Variants in FBXO38 observed in about 807,000 individuals in gnomAD.
FBXO38 encodes the protein F-box only protein 38.
A neutral mutation model predicts 131.9 loss-of-function variants in FBXO38; 53 were observed. The ratio of observed to expected loss-of-function variants is 0.40; its 90% confidence interval spans 0.32 to 0.51. FBXO38 has a LOEUF of 0.51. Among genes scored for constraint, FBXO38 ranks in the 20% least tolerant of loss-of-function variants. FBXO38 has a pLI of 0.53. For synonymous variants in FBXO38, 452 were observed against 505.6 expected, an observed-to-expected ratio of 0.89 and a Z score of 1.42; for missense variants, 1,076 against 1,475.6, an observed-to-expected ratio of 0.73 and a Z score of 4.44.
intron 19 of FBXO38, among the ~76,000 whole-genome samples, chr5:148,440,006 A>G (rs544159525): frequency 1.3e-5 from 2 of 152,370 alleles, no homozygotes; most frequent in East Asian, 3.9e-4. Context: ...AAACTCAGGT[A>G]AAAATTACAA....
Position 148,427,131 on chromosome 5 carries a change from C to T in FBXO38, c.1919-82C>T, listed in dbSNP as rs1342440008. 7 of 1,478,404 alleles carry T rather than the reference C, an allele frequency of 4.7e-6. No homozygotes were observed. In the South Asian group the frequency reaches 8.3e-5, roughly 18 times the overall value. The allele number at this position is 1,478,404 out of a possible 1,614,324, so 91.6% of individuals were successfully genotyped here. A position where few individuals can be genotyped will look rare whatever the true frequency, so the allele number is the denominator to read the frequency against. On this transcript the variant is annotated intron_variant, in intron 14 of 21. Coordinates refer to ENST00000340253, the MANE Select transcript of FBXO38 (RefSeq NM_205836.3). ...GTTTAGTATACATTATTTCCTGTTC[C>T]AAATTTACTCTTGCGTTTTGTCCAG...
chr5:148,387,497 C>T (rs1161094775), intron 1 of FBXO38, among the ~76,000 whole-genome samples: 1 of 152,016 alleles, frequency 6.6e-6, no homozygotes, highest in Non-Finnish European at 1.5e-5. Flanking sequence ...GTCTTGAATC[C>T]CTCAGAGTCA....
intron 9 of FBXO38, among the ~76,000 whole-genome samples, chr5:148,412,348 C>T (rs1262002738): frequency 6.6e-6 from 1 of 152,152 alleles, no homozygotes; most frequent in Non-Finnish European, 1.5e-5. Context: ...CTCACACTCT[C>T]TCACTTAGTT....
At chr5:148,417,611 A>C (rs1401132641) in intron 12 of FBXO38, among the ~76,000 whole-genome samples, 1 of 152,218 alleles carries the variant, frequency 6.6e-6, no homozygotes, top group Non-Finnish European at 1.5e-5. Flanking sequence ...CATGGGCTAG[A>C]CATTGGCACC....
At chr5:148,391,296 G>A (rs1188452545) in intron 1 of FBXO38, among the ~76,000 whole-genome samples, 1 of 152,160 alleles carries the variant, frequency 6.6e-6, no homozygotes, top group Non-Finnish European at 1.5e-5. Flanking sequence ...AGATATTTGA[G>A]GATATATTGT....
At chr5:148,399,198 A>G in intron 3 of FBXO38, 66 bp downstream of exon 3, 38 of 1,568,720 alleles carry the variant, frequency 2.4e-5, no homozygotes, top group Non-Finnish European at 3.0e-5. Flanking sequence ...TGGTTTCATA[A>G]AAAGTTACTT....
chr5:148,402,903 A>G (rs908944078), intron 5 of FBXO38, among the ~76,000 whole-genome samples: 6 of 151,030 alleles, frequency 4.0e-5, no homozygotes, highest in African/African-American at 1.2e-4. Context: ...ACACACATAC[A>G]CAGAGAGAGA....
At chr5:148,413,281 A>G (rs931282095) in intron 9 of FBXO38, 5 of 152,144 alleles carry the variant, frequency 3.3e-5, no homozygotes, top group African/African-American at 1.2e-4. Flanking sequence ...TGTTTTTAAC[A>G]TGTTGTAGCT....
chr5:148,438,535 TGTG>T (rs1754483330), intron 18 of FBXO38, 37 bp downstream of exon 18: 1 of 1,579,696 alleles, frequency 6.3e-7, no homozygotes, highest in South Asian at 1.2e-5. Context: ...ATACACATAT[TGTG>T]GTGTTTTTCT....
chr5:148,405,030 C>T (rs987666344), intron 6 of FBXO38, among the ~76,000 whole-genome samples: 176 of 145,888 alleles, frequency 1.2e-3, no homozygotes, highest in African/African-American at 4.2e-3. Flanking sequence ...AAAAAAAAAA[C>T]AAAACTCAGA....
At chr5:148,422,365 T>A (rs545182338) in intron 12 of FBXO38, among the ~76,000 whole-genome samples, 4 of 152,290 alleles carry the variant, frequency 2.6e-5, no homozygotes, top group South Asian at 4.1e-4. Flanking sequence ...TCCTTCCATG[T>A]TTTCATGGCT....
intron 12 of FBXO38, among the ~76,000 whole-genome samples, chr5:148,422,401 A>G (rs1364055992): frequency 1.3e-5 from 2 of 152,162 alleles, no homozygotes; most frequent in African/African-American, 2.4e-5. Flanking sequence ...TTTAGTTCTT[A>G]GCTGAAATGT....
chr5:148,442,039 A>G lies in FBXO38; in HGVS notation c.3459A>G (p.Glu1153=). ...TCTGTATGGAAACAATAGGAGAGGA[A>G]ATTTCAGAGATGCGTCAGATGAAGA... ...ADICMETIGE[E]ISEMRQMKKG... The change falls in exon 22 of 22, where the codon GAA becomes GAG. Residue 1153 remains glutamate, a synonymous_variant. Coordinates refer to ENST00000340253, the MANE Select transcript of FBXO38 (RefSeq NM_205836.3). The G allele has an allele frequency of 6.2e-7, 1 of 1,614,086 alleles. No individual in the cohort carries two copies. The highest frequency in any genetic ancestry group is 8.5e-7 in the Non-Finnish European group (1 of 1,179,952).
At chr5:148,394,180 C>G (rs978834443) in intron 1 of FBXO38, among the ~76,000 whole-genome samples, 1 of 152,086 alleles carries the variant, frequency 6.6e-6, no homozygotes, top group Non-Finnish European at 1.5e-5. Flanking sequence ...GGGTCCATGA[C>G]TAATCTAATC....
intron 6 of FBXO38, 93 bp from the exon 7 acceptor site, chr5:148,406,164 T>A (rs1349928042): frequency 2.4e-6 from 3 of 1,245,820 alleles, no homozygotes; most frequent in Admixed American, 5.4e-5. Flanking sequence ...TTTTAAGACT[T>A]AGAGTTTATA....
chr5:148,427,970 A>G lies in FBXO38; in HGVS notation c.2653+23A>G, dbSNP rs201357277. On this transcript the variant is annotated intron_variant, in intron 15 of 21. Transcript: ENST00000340253. The stretch of plus-strand genomic sequence containing the variant: ...CAGGTATGACAATGCTCCTAGGATT[A>G]GCAACTGCAGGGTAGGGCTGCAGAA... The G allele has an allele frequency of 3.7e-5, 55 of 1,483,644 alleles. No individual in the cohort carries two copies. The African/African-American group carries it at 7.3e-4, about 20-fold the overall frequency. The allele number at this position is 1,483,644 out of a possible 1,614,324, so 91.9% of individuals were successfully genotyped here. A position where few individuals can be genotyped will look rare whatever the true frequency, so the allele number is the denominator to read the frequency against.
At chr5:148,428,401 T>G (rs373689796) in intron 15 of FBXO38, among the ~76,000 whole-genome samples, 4 of 152,204 alleles carry the variant, frequency 2.6e-5, no homozygotes, top group East Asian at 3.8e-4. Flanking sequence ...CTTAGTAATT[T>G]TTTCAGAAAT....
chr5:148,427,774 G>T lies in FBXO38; in HGVS notation c.2480G>T (p.Gly827Val). The T allele has an allele frequency of 6.2e-7, 1 of 1,611,656 alleles. No individual in the cohort carries two copies. Among genetic ancestry groups the T allele is most frequent in the Non-Finnish European group, 8.5e-7 (1 of 1,178,646 alleles). The change falls in exon 15 of 22, where the codon GGC (glycine) becomes GTC (valine). Residue 827 changes from glycine to valine, a missense_variant. Transcript: ENST00000340253. ...FRTLPQGGSS[G>V]PAHDERTNGS... ...ACTCTGCCACAAGGGGGGTCTTCAG[G>T]CCCAGCACATGATGAGAGGACTAAT...
In FBXO38 at chr5:148,395,997, A is replaced by G. The variant is rs976290203; in HGVS notation, c.128+1093A>G. 2.6e-5 allele frequency among the ~76,000 whole-genome samples: 4 copies of G among 152,288 alleles called. No homozygotes were observed. The East Asian group carries it at 5.8e-4, about 22-fold the overall frequency. The stretch of plus-strand genomic sequence containing the variant: ...GGAATGTTTTGAATTTCTACAAATG[A>G]ATATTTGCAGATTATGAAGTTTTAA... On this transcript the variant is annotated intron_variant, in intron 2 of 21. Coordinates refer to ENST00000340253, the MANE Select transcript of FBXO38 (RefSeq NM_205836.3).
Sources: allele counts gnomAD v4.1 joint callset (sites outside exome capture counted in the v4.1 genomes callset), GRCh38; gene constraint gnomAD v4.1.1; transcripts MANE v1.5; gene names NCBI Gene and HGNC (gene_info 2026-07-23, HGNC 2026-07-21).